The following TRABD2A variants were observed in gnomAD, a reference collection of about 807,000 sequenced individuals.
TRABD2A encodes TraB domain containing 2A.
TRABD2A carries 43 observed loss-of-function variants against 45.6 expected under a neutral mutation model. The observed-to-expected ratio is 0.94, with a 90% CI of 0.74 to 1.22. TRABD2A has a LOEUF of 1.22. TRABD2A is among the 50% of genes most tolerant of loss of function. TRABD2A has a pLI of 0.00. For synonymous variants in TRABD2A, 269 were observed against 265.0 expected, an observed-to-expected ratio of 1.02 and a Z score of -0.15; for missense variants, 642 against 652.4, an observed-to-expected ratio of 0.98 and a Z score of 0.17.
chr2:84,870,883 G>T (rs907253430), intron 1 of TRABD2A, 98 bp from the exon 2 acceptor site: 2 of 1,213,790 alleles, frequency 1.6e-6, no homozygotes, highest in Non-Finnish European at 2.3e-6. Context: ...CAAGAGAAAA[G>T]ATATCAAAGT....
At chr2:84,869,882 G>A (rs774096545) in intron 2 of TRABD2A, among the ~76,000 whole-genome samples, 27 of 149,974 alleles carry the variant, frequency 1.8e-4, no homozygotes, top group Non-Finnish European at 3.7e-4. Context: ...GGGAGGCTGA[G>A]ACAGGAGAAA....
intron 2 of TRABD2A, among the ~76,000 whole-genome samples, chr2:84,863,148 A>G (rs925303799): frequency 2.0e-5 from 3 of 152,200 alleles, no homozygotes; most frequent in Non-Finnish European, 2.9e-5. Flanking sequence ...AGAACAGGAA[A>G]TAATACATAG....
intron 6 of TRABD2A, among the ~76,000 whole-genome samples, chr2:84,822,808 G>C (rs752629547): frequency 6.6e-6 from 1 of 152,156 alleles, no homozygotes; most frequent in Non-Finnish European, 1.5e-5. Context: ...AGATCACACA[G>C]CATATCACAT....
intron 2 of TRABD2A, among the ~76,000 whole-genome samples, chr2:84,864,235 G>A (rs1236775067): frequency 1.3e-5 from 2 of 152,162 alleles, no homozygotes; most frequent in Non-Finnish European, 2.9e-5. Flanking sequence ...GGCCCATCCT[G>A]TGGAACATGG....
chr2:84,836,763 A>G (rs1374945701), intron 4 of TRABD2A: 1 of 152,018 alleles, frequency 6.6e-6, no homozygotes, highest in Middle Eastern at 3.4e-3. Flanking sequence ...ATACTGAATC[A>G]TCTCAATCAA....
At chr2:84,858,567 C>G (rs11687943) in intron 2 of TRABD2A, among the ~76,000 whole-genome samples, 29,785 of 152,000 alleles carry the variant, frequency 0.2, 3,835 homozygotes, top group African/African-American at 0.37. Flanking sequence ...GAGGAAGGGA[C>G]TAAAACTGGG....
In TRABD2A at chr2:84,847,004, C is replaced by T. The variant is rs115431608; in HGVS notation, c.670-4997G>A. Among the ~76,000 whole-genome samples, 882 of 152,350 alleles carry T rather than the reference C, an allele frequency of 5.8e-3. 13 individuals are homozygous for T. The highest frequency in any genetic ancestry group is 0.02 in the African/African-American group (843 of 41,590). On this transcript the variant is annotated intron_variant, in intron 2 of 6. Coordinates refer to ENST00000409520, the MANE Select transcript of TRABD2A (RefSeq NM_001277053.2). ...CTAGTAGTCCATGCCTCAGGCTGCC[C>T]TGGAGGGAAGCTGGGCAGGGGCAGG...
chr2:84,832,062 T>C lies in TRABD2A; in HGVS notation c.1075A>G (p.Ile359Val), dbSNP rs752345840. The C allele has an allele frequency of 6.2e-7, 1 of 1,614,002 alleles. No homozygotes were observed. The highest frequency in any genetic ancestry group is 8.5e-7 in the Non-Finnish European group (1 of 1,179,878). Residue 359 changes from isoleucine (I) to valine (V), a missense_variant, in exon 5 of 7, where the codon ATC (isoleucine) becomes GTC (valine). Physicochemically the swap from Ile to Val is conservative, Grantham distance 29 (BLOSUM62 3). Coordinates refer to ENST00000409520, the MANE Select transcript of TRABD2A (RefSeq NM_001277053.2). ...GAAGCACAGGACGGTTACTTGTGGA[T>C]GGGTCGTCCAGCAGGGGCGTGTTCT... is the stretch of plus-strand genomic sequence containing the variant. Reference protein sequence around the residue: ...EVEHAPAGRPIHKGKSKKTST... With the variant: ...EVEHAPAGRPVHKGKSKKTST...
chr2:84,850,328 C>T (rs1682037132), intron 2 of TRABD2A, among the ~76,000 whole-genome samples: 1 of 152,126 alleles, frequency 6.6e-6, no homozygotes, highest in Non-Finnish European at 1.5e-5. Context: ...TAATAATCAT[C>T]ACAATAATAA....
At chr2:84,848,741 A>G (rs942206245) in intron 2 of TRABD2A, among the ~76,000 whole-genome samples, 1 of 151,628 alleles carries the variant, frequency 6.6e-6, no homozygotes, top group African/African-American at 2.4e-5. Flanking sequence ...ACGCCCAGCT[A>G]TTTTTGTAAT....
rs373899389 is a variant in TRABD2A at position 84,859,671 on chromosome 2, A to G, written c.669+10554T>C. On this transcript the variant is annotated intron_variant, in intron 2 of 6. Coordinates refer to ENST00000409520, the MANE Select transcript of TRABD2A (RefSeq NM_001277053.2). ...GAGCAGGGACCAAGAATAGGACCCA[A>G]TGGTTCTCCAACTTGCTTGTGCATC... 4.1e-4 allele frequency among the ~76,000 whole-genome samples: 63 copies of G among 152,306 alleles called. 1 individual carries two copies. The highest frequency in any genetic ancestry group is 9.9e-4 in the African/African-American group (41 of 41,558).
intron 3 of TRABD2A, among the ~76,000 whole-genome samples, chr2:84,841,635 G>C (rs1316309903): frequency 6.6e-6 from 1 of 152,148 alleles, no homozygotes; most frequent in Non-Finnish European, 1.5e-5. Context: ...CCTTTGGCTG[G>C]AATACTGGAA....
rs75194044 is a variant in TRABD2A at position 84,846,958 on chromosome 2, T to C, written c.670-4951A>G. Among the ~76,000 whole-genome samples, 61 of 152,330 alleles carry C rather than the reference T, an allele frequency of 4.0e-4. 1 individual carries two copies. Among genetic ancestry groups the C allele is most frequent in the Admixed American group, 1.1e-3 (17 of 15,306 alleles). ...TGTCCCACTCCAGATGGCAGCCCTT[T>C]ATCACCTGCACTGCCCAGACCTAGT... is the stretch of plus-strand genomic sequence containing the variant. On this transcript the variant is annotated intron_variant, in intron 2 of 6. Transcript: ENST00000409520.
intron 2 of TRABD2A, among the ~76,000 whole-genome samples, chr2:84,863,447 T>C (rs1401002767): frequency 1.3e-5 from 2 of 151,196 alleles, no homozygotes; most frequent in Non-Finnish European, 3.0e-5. Context: ...GGTTTCACCA[T>C]GGTCTCGATT....
At chr2:84,831,036 G>GC (rs1254188048) in intron 5 of TRABD2A, among the ~76,000 whole-genome samples, 1 of 152,126 alleles carries the variant, frequency 6.6e-6, no homozygotes, top group Non-Finnish European at 1.5e-5. Flanking sequence ...GCTGATGTGT[G>GC]CCCCCCACAT....
chr2:84,841,809 TA>T, intron 3 of TRABD2A, 51 bp downstream of exon 3: 4 of 1,444,638 alleles, frequency 2.8e-6, no homozygotes, highest in Non-Finnish European at 2.7e-6. Flanking sequence ...GTAATGTTTT[TA>T]TTCCTATAAT....
chr2:84,861,346 A>G (rs1682492057), intron 2 of TRABD2A, among the ~76,000 whole-genome samples: 1 of 152,152 alleles, frequency 6.6e-6, no homozygotes, highest in East Asian at 1.9e-4. Flanking sequence ...TTGTTTTCCT[A>G]CAACTAGACA....
intron 4 of TRABD2A, chr2:84,833,475 T>C (rs1183015760): frequency 6.6e-6 from 1 of 152,216 alleles, no homozygotes; most frequent in Non-Finnish European, 1.5e-5. Context: ...GCAAAGGTGA[T>C]TTCCATTTCT....
chr2:84,860,334 C>G (rs984362904), intron 2 of TRABD2A, among the ~76,000 whole-genome samples: 11 of 152,112 alleles, frequency 7.2e-5, no homozygotes, highest in African/African-American at 2.7e-4. Flanking sequence ...AAAGGGCGGG[C>G]CATAATCCAG....
Sources: allele counts gnomAD v4.1 joint callset (sites outside exome capture counted in the v4.1 genomes callset), GRCh38; gene constraint gnomAD v4.1.1; transcripts MANE v1.5; gene names NCBI Gene and HGNC (gene_info 2026-07-23, HGNC 2026-07-21).